Variants in FER1L6 observed in about 807,000 individuals in gnomAD.
FER1L6 encodes the protein fer-1 like family member 6.
In FER1L6, 177 loss-of-function variants were observed where a neutral mutation model predicts 219.2. The ratio of observed to expected loss-of-function variants is 0.81; its 90% confidence interval spans 0.71 to 0.91. The LOEUF (loss-of-function observed/expected upper bound fraction) is 0.91. Among genes scored for constraint, FER1L6 ranks in the 40% least tolerant of loss-of-function variants. The probability of loss-of-function intolerance (pLI) is 0.00; values close to 1 mark genes in which losing one functional copy is unlikely to be tolerated. For synonymous variants in FER1L6, 768 were observed against 824.3 expected, an observed-to-expected ratio of 0.93 and a Z score of 1.17; for missense variants, 2,153 against 2,259.9, an observed-to-expected ratio of 0.95 and a Z score of 0.96.
intron 12 of FER1L6, among the ~76,000 whole-genome samples, chr8:123,990,096 G>A (rs914198294): frequency 2.0e-5 from 3 of 152,000 alleles, no homozygotes; most frequent in East Asian, 3.9e-4. Flanking sequence ...GTGAAACCCC[G>A]TCTCTACTAA....
chr8:124,020,392 C>A (rs1345913754), intron 16 of FER1L6, among the ~76,000 whole-genome samples: 3 of 152,166 alleles, frequency 2.0e-5, no homozygotes, highest in Non-Finnish European at 4.4e-5. Flanking sequence ...ACCAGTGTGC[C>A]TGAGGCACAG....
chr8:124,116,614 G>A (rs773606744), intron 39 of FER1L6, among the ~76,000 whole-genome samples: 47 of 152,342 alleles, frequency 3.1e-4, no homozygotes, highest in Non-Finnish European at 5.1e-4. Flanking sequence ...GAACAAAGGG[G>A]CAGCTGCAAT....
At chr8:123,940,923 T>G (rs1199409667) in intron 1 of FER1L6, among the ~76,000 whole-genome samples, 2 of 152,024 alleles carry the variant, frequency 1.3e-5, no homozygotes, top group Non-Finnish European at 2.9e-5. Context: ...AGATTTGTAA[T>G]GGGGTAATTT....
intron 1 of FER1L6, among the ~76,000 whole-genome samples, chr8:123,898,643 T>TTATATATATATATATGTATATATATACG (rs1812789731): frequency 2.8e-5 from 4 of 142,048 alleles, no homozygotes; most frequent in Admixed American, 7.1e-5. Flanking sequence ...GTATTCCATT[T>TTATATATATATATATGTATATATATACG]TATATATATA....
intron 1 of FER1L6, among the ~76,000 whole-genome samples, chr8:123,950,603 C>G (rs909856771): frequency 6.6e-6 from 1 of 152,168 alleles, no homozygotes; most frequent in Non-Finnish European, 1.5e-5. Context: ...GGTGTATTTC[C>G]TAGACTCAGC....
intron 6 of FER1L6, among the ~76,000 whole-genome samples, chr8:123,972,483 CA>C (rs1815862148): frequency 6.6e-6 from 1 of 152,160 alleles, no homozygotes. Context: ...GTATAACTTC[CA>C]ACTGGTGCCA....
chr8:123,968,959 C>T (rs760245180), intron 5 of FER1L6, among the ~76,000 whole-genome samples: 4 of 152,182 alleles, frequency 2.6e-5, no homozygotes, highest in Non-Finnish European at 5.9e-5. Context: ...GCCTGCCTTC[C>T]TGGTCCCCCT....
intron 1 of FER1L6, among the ~76,000 whole-genome samples, chr8:123,873,531 T>C (rs762475513): frequency 1.3e-5 from 2 of 152,236 alleles, no homozygotes; most frequent in African/African-American, 4.8e-5. Flanking sequence ...TTCTCACTGA[T>C]GGCTTTAAGC....
chr8:123,976,105 A>G (rs1816061610), intron 9 of FER1L6, 21 bp downstream of exon 9: 1 of 1,579,024 alleles, frequency 6.3e-7, no homozygotes, highest in Admixed American at 1.7e-5. Flanking sequence ...ATTGTCACTA[A>G]CACTGCCTGC....
At chr8:123,940,368 G>A (rs1000710276) in intron 1 of FER1L6, among the ~76,000 whole-genome samples, 5 of 151,810 alleles carry the variant, frequency 3.3e-5, no homozygotes, top group African/African-American at 1.2e-4. Flanking sequence ...TTTTTTTTGA[G>A]ACAGCGTCAC....
intron 1 of FER1L6, among the ~76,000 whole-genome samples, chr8:123,856,312 A>G (rs9772837): frequency 0.34 from 17,748 of 52,622 alleles, 4,365 homozygotes; most frequent in Middle Eastern, 0.42. Context: ...ATATATATGT[A>G]TGTGTATATA....
intron 15 of FER1L6, among the ~76,000 whole-genome samples, chr8:124,015,338 C>T (rs1242206353): frequency 1.3e-5 from 2 of 151,836 alleles, no homozygotes; most frequent in African/African-American, 4.8e-5. Flanking sequence ...ACAACTTGGA[C>T]TAACCCTTGA....
At position 123,977,476 on chromosome 8, in the gene FER1L6, C is replaced by T. The variant is rs184670991; in HGVS notation, c.930C>T (p.Phe310=). The T allele has an allele frequency of 1.6e-5, 26 of 1,614,076 alleles. No homozygotes were observed. Among genetic ancestry groups the T allele is most frequent in the Non-Finnish European group, 2.1e-5 (25 of 1,180,016 alleles). The change falls in exon 10 of 41, where the codon TTC becomes TTT. Residue 310 remains phenylalanine (F), a synonymous_variant. Transcript: ENST00000522917. The part of the protein sequence containing the change: ...ADPVWHEQVI[F]KEMFPPLCRR... ...CTGTGTGGCATGAACAGGTGATCTT[C>T]AAGGAAATGTTCCCTCCCTTGTGTC...
chr8:124,112,563 A>C (rs927336038), intron 39 of FER1L6, among the ~76,000 whole-genome samples: 1 of 152,050 alleles, frequency 6.6e-6, no homozygotes, highest in African/African-American at 2.4e-5. Context: ...CAAAGATTAA[A>C]ACATTTATTT....
intron 1 of FER1L6, among the ~76,000 whole-genome samples, chr8:123,934,662 C>G (rs1813913654): frequency 6.6e-6 from 1 of 152,008 alleles, no homozygotes; most frequent in Non-Finnish European, 1.5e-5. Flanking sequence ...TACCACCAGA[C>G]TGCCCCCAAC....
intron 31 of FER1L6, among the ~76,000 whole-genome samples, chr8:124,072,112 C>T (rs1426573044): frequency 6.6e-6 from 1 of 152,172 alleles, no homozygotes; most frequent in Non-Finnish European, 1.5e-5. Context: ...GTAGTTTTAT[C>T]TGCTCCCTAT....
At chr8:124,083,955 G>A (rs1294355164) in intron 33 of FER1L6, among the ~76,000 whole-genome samples, 1 of 152,044 alleles carries the variant, frequency 6.6e-6, no homozygotes, top group African/African-American at 2.4e-5. Context: ...TTGCACCAAT[G>A]TTTTATAGTT....
In FER1L6 at chr8:124,071,469, CCATCT is replaced by C. The variant is rs767038328; in HGVS notation, c.3967-33_3967-29del. 8.1e-6 allele frequency: 13 copies of C among 1,612,060 alleles called. No homozygotes were observed. The South Asian group carries it at 1.4e-4, about 18-fold the overall frequency. ...CTGTGGGTTTTGGTGGGACATATGA[CCATCT>C]CATTTCAATGGGTTGCGTTTTGTGG... On this transcript the variant is annotated intron_variant, in intron 30 of 40. Transcript: ENST00000522917.
At chr8:124,078,676 A>G (rs1369311980) in intron 32 of FER1L6, among the ~76,000 whole-genome samples, 1 of 150,230 alleles carries the variant, frequency 6.7e-6, no homozygotes, top group Non-Finnish European at 1.5e-5. Context: ...GGCTGCTGCA[A>G]GTCCTGTGAA....
Sources: gnomAD v4.1 joint callset for allele counts (sites outside exome capture counted in the v4.1 genomes callset) on GRCh38, gnomAD v4.1.1 for gene constraint, MANE v1.5 for transcripts, NCBI Gene and HGNC (gene_info 2026-07-23, HGNC 2026-07-21) for gene names.